Variants in MTHFD1L observed in about 807,000 individuals in gnomAD.
MTHFD1L encodes monofunctional C1-tetrahydrofolate synthase, mitochondrial.
In MTHFD1L, 81 loss-of-function variants were observed where a neutral mutation model predicts 119.5. That is an observed-to-expected ratio of 0.68 (90% CI 0.57 to 0.82). The LOEUF (loss-of-function observed/expected upper bound fraction) is 0.82, where lower values mean the gene tolerates loss of function less well. MTHFD1L is among the 40% of genes least tolerant of loss of function. The pLI is 0.00. For missense variants in MTHFD1L, 1,125 were observed against 1,253.4 expected (o/e 0.90, Z 1.55); for synonymous variants, 430 against 475.2 (o/e 0.90, Z 1.24).
chr6:151,086,270 G>C (rs2128640671), intron 26 of MTHFD1L, among the ~76,000 whole-genome samples: 1 of 152,140 alleles, frequency 6.6e-6, no homozygotes, highest in East Asian at 1.9e-4. Flanking sequence ...TATAGTGTGT[G>C]TCTCTCTCTC....
chr6:151,040,806 C>T (rs370856876), intron 26 of MTHFD1L, among the ~76,000 whole-genome samples: 3 of 152,242 alleles, frequency 2.0e-5, no homozygotes, highest in Non-Finnish European at 1.5e-5. Flanking sequence ...CTCCAGCTAA[C>T]GCCACCATAT....
intron 20 of MTHFD1L, among the ~76,000 whole-genome samples, chr6:150,988,811 G>A (rs1275926321): frequency 1.3e-5 from 2 of 152,160 alleles, no homozygotes; most frequent in African/African-American, 2.4e-5. Flanking sequence ...TCTCCATGTT[G>A]GTCAGGCTGG....
intron 1 of MTHFD1L, among the ~76,000 whole-genome samples, chr6:150,867,193 GTCT>G (rs1778528925): frequency 6.6e-6 from 1 of 152,076 alleles, no homozygotes; most frequent in Non-Finnish European, 1.5e-5. Context: ...CTTGTTCTCT[GTCT>G]TCTTTTTCTT....
chr6:150,995,141 C>A (rs1203419330), intron 20 of MTHFD1L, among the ~76,000 whole-genome samples: 1 of 151,732 alleles, frequency 6.6e-6, no homozygotes, highest in Non-Finnish European at 1.5e-5. Flanking sequence ...CAAATTACTT[C>A]TGGACTTAGG....
intron 26 of MTHFD1L, among the ~76,000 whole-genome samples, chr6:151,074,904 T>C (rs1279388854): frequency 6.6e-6 from 1 of 152,338 alleles, no homozygotes; most frequent in Middle Eastern, 3.4e-3. Flanking sequence ...TTTCTCAGAA[T>C]GTACCCGTCT....
chr6:151,069,746 C>T (rs1038932721), intron 26 of MTHFD1L, among the ~76,000 whole-genome samples: 5 of 152,116 alleles, frequency 3.3e-5, no homozygotes, highest in East Asian at 1.9e-4. Context: ...CTCAGCGGTG[C>T]CTTTGGGGCT....
At chr6:151,018,036 T>TGAG (rs143078078) in intron 24 of MTHFD1L, among the ~76,000 whole-genome samples, 3,150 of 152,144 alleles carry the variant, frequency 0.021, 58 homozygotes, top group Non-Finnish European at 0.028. Context: ...TCAGAAGACC[T>TGAG]GAGCTTCCCA....
chr6:150,950,457 C>T (rs1241981751), intron 16 of MTHFD1L, among the ~76,000 whole-genome samples: 1 of 152,190 alleles, frequency 6.6e-6, no homozygotes, highest in Non-Finnish European at 1.5e-5. Context: ...AGACAAAGAC[C>T]AGAGACTGAG....
At chr6:151,034,444 T>A (rs1453029863) in intron 24 of MTHFD1L, 49 bp from the exon 25 acceptor site, 1 of 1,306,956 alleles carries the variant, frequency 7.7e-7, no homozygotes, top group Non-Finnish European at 1.1e-6. Flanking sequence ...TAAAAAATCT[T>A]TAACCAGATT....
chr6:150,916,124 C>G (rs965738180), intron 8 of MTHFD1L, among the ~76,000 whole-genome samples: 2 of 151,936 alleles, frequency 1.3e-5, no homozygotes, highest in African/African-American at 2.4e-5. Flanking sequence ...ACCCAACACC[C>G]TAATACAGTT....
At chr6:151,005,164 G>A (rs902001958) in intron 20 of MTHFD1L, among the ~76,000 whole-genome samples, 4 of 152,084 alleles carry the variant, frequency 2.6e-5, no homozygotes, top group Non-Finnish European at 4.4e-5. Flanking sequence ...CTAGGAAATG[G>A]AACCTTCCTA....
At chr6:151,080,020 CA>C (rs146396093) in intron 26 of MTHFD1L, among the ~76,000 whole-genome samples, 18,127 of 150,836 alleles carry the variant, frequency 0.12, 1,114 homozygotes, top group South Asian at 0.18. Flanking sequence ...ACTTAAAATA[CA>C]AAAAAAATAG....
chr6:151,031,238 C>G (rs1029470864), intron 24 of MTHFD1L, among the ~76,000 whole-genome samples: 1 of 152,226 alleles, frequency 6.6e-6, no homozygotes, highest in Non-Finnish European at 1.5e-5. Context: ...TAACGTTTGT[C>G]CCTTGGTTCA....
intron 26 of MTHFD1L, chr6:151,054,813 C>T (rs1789627970): frequency 6.6e-6 from 1 of 152,070 alleles, no homozygotes; most frequent in South Asian, 2.1e-4. Context: ...TGTACATGTA[C>T]AGTGATTACG....
In MTHFD1L at chr6:150,965,064, T is replaced by A. The variant is rs1324994472; in HGVS notation, c.2013+27T>A. The A allele has an allele frequency of 1.9e-6, 3 of 1,602,602 alleles. No individual in the cohort carries two copies. In the East Asian group the frequency reaches 6.7e-5, roughly 36 times the overall value. On this transcript the variant is annotated intron_variant, in intron 19 of 27. Transcript: ENST00000367321. ...TAAGTGGTTTTCTTCTTATAGTAAT[T>A]GTTTGCATTAACTGGATTGCCACAC...
intron 26 of MTHFD1L, among the ~76,000 whole-genome samples, chr6:151,045,059 C>T (rs1367927951): frequency 6.6e-6 from 1 of 152,120 alleles, no homozygotes; most frequent in Non-Finnish European, 1.5e-5. Context: ...TATTTGTGAA[C>T]TCAGTGGGGA....
intron 26 of MTHFD1L, among the ~76,000 whole-genome samples, chr6:151,069,711 C>G (rs1180563179): frequency 2.0e-5 from 3 of 152,160 alleles, no homozygotes; most frequent in African/African-American, 7.2e-5. Flanking sequence ...CTGGTGGGAT[C>G]TCTCTGGTGA....
intron 18 of MTHFD1L, among the ~76,000 whole-genome samples, chr6:150,961,089 CTT>C (rs35978918): frequency 0.33 from 37,080 of 111,958 alleles, 3,826 homozygotes; most frequent in South Asian, 0.45. Context: ...TTCCTGTTAA[CTT>C]TTTTTTTTTT....
At chr6:150,987,902 A>G (rs967000067) in intron 20 of MTHFD1L, among the ~76,000 whole-genome samples, 2 of 152,222 alleles carry the variant, frequency 1.3e-5, no homozygotes, top group Non-Finnish European at 2.9e-5. Context: ...CAGGTAAAAG[A>G]GTAATTAAAT....
Sources: gnomAD v4.1 joint callset for allele counts (sites outside exome capture counted in the v4.1 genomes callset) on GRCh38, gnomAD v4.1.1 for gene constraint, MANE v1.5 for transcripts, NCBI Gene and HGNC (gene_info 2026-07-23, HGNC 2026-07-21) for gene names.